The following LRRC40 variants were observed in gnomAD, a reference collection of about 807,000 sequenced individuals.
LRRC40 encodes leucine rich repeat containing 40.
Under a neutral mutation model 72.8 loss-of-function variants are expected in LRRC40, and 76 were observed. The ratio of observed to expected loss-of-function variants is 1.04; its 90% CI spans 0.87 to 1.26. The LOEUF is 1.26. Among genes scored for constraint, LRRC40 ranks in the 50% most tolerant of loss-of-function variants. The pLI, the probability that LRRC40 is intolerant of heterozygous loss-of-function variation, is 0.00. For synonymous variants in LRRC40, 243 were observed against 254.2 expected, an observed-to-expected ratio of 0.96 and a Z score of 0.42; for missense variants, 684 against 698.9, an observed-to-expected ratio of 0.98 and a Z score of 0.24.
At chr1:70,166,890 T>C (rs1036186579) in intron 9 of LRRC40, among the ~76,000 whole-genome samples, 1 of 128,668 alleles carries the variant, frequency 7.8e-6, no homozygotes, top group African/African-American at 2.9e-5. Flanking sequence ...ATTTTCCCCA[T>C]CCCCAAAAGA....
intron 2 of LRRC40, among the ~76,000 whole-genome samples, chr1:70,188,257 C>T (rs72929205): frequency 2.0e-4 from 31 of 152,022 alleles, no homozygotes; most frequent in African/African-American, 5.5e-4. Flanking sequence ...TTGTGAAGCC[C>T]GCAGATTATG....
At chr1:70,166,662 A>T (rs1008255306) in intron 9 of LRRC40, among the ~76,000 whole-genome samples, 6 of 95,094 alleles carry the variant, frequency 6.3e-5, no homozygotes, top group African/African-American at 8.1e-5. Context: ...GCTTCTAAAT[A>T]AAAAAAAAAA....
At chr1:70,186,296 A>T (rs3767210) in intron 3 of LRRC40, among the ~76,000 whole-genome samples, 2 of 152,064 alleles carry the variant, frequency 1.3e-5, no homozygotes, top group African/African-American at 2.4e-5. Context: ...GTCACTCAAC[A>T]CTTACTGCTT....
chr1:70,160,426 T>C (rs1005370384), intron 9 of LRRC40, among the ~76,000 whole-genome samples: 19 of 152,146 alleles, frequency 1.2e-4, no homozygotes, highest in Non-Finnish European at 2.9e-5. Flanking sequence ...TTCACAGAAG[T>C]AGCACAGAAT....
At chr1:70,201,427 T>A (rs2100356337) in intron 1 of LRRC40, among the ~76,000 whole-genome samples, 1 of 152,104 alleles carries the variant, frequency 6.6e-6, no homozygotes, top group East Asian at 1.9e-4. Flanking sequence ...ACACAAAATT[T>A]AAGAATCGCA....
In LRRC40 at chr1:70,144,945, TGAC is replaced by T. The variant is rs1667247086; in HGVS notation, c.*852_*854del. On this transcript the variant is annotated 3_prime_UTR_variant, in exon 15 of 15. Coordinates refer to ENST00000370952, the MANE Select transcript of LRRC40 (RefSeq NM_017768.5). Reference sequence around the variant, plus strand: ...TAAATTGATATACATGCTACTGAATTGACTTCTTAATAGAATCATATGGTAAGT... The same window carrying T: ...TAAATTGATATACATGCTACTGAATTTTCTTAATAGAATCATATGGTAAGT... 1 of 152,220 alleles carries T rather than the reference TGAC, an allele frequency of 6.6e-6. No individual in the cohort carries two copies. The highest frequency in any genetic ancestry group is 6.5e-5 in the Admixed American group (1 of 15,270). The allele number at this position is 152,220 out of a possible 1,614,324, so 9.4% of individuals were successfully genotyped here.
chr1:70,169,861 TAAC>T (rs1468953286), intron 9 of LRRC40, among the ~76,000 whole-genome samples: 1 of 152,040 alleles, frequency 6.6e-6, no homozygotes, highest in African/African-American at 2.4e-5. Flanking sequence ...AAAAAATTAA[TAAC>T]AACTCTTCAT....
At chr1:70,174,962 T>C (rs1043246156) in intron 7 of LRRC40, among the ~76,000 whole-genome samples, 11 of 152,026 alleles carry the variant, frequency 7.2e-5, no homozygotes, top group African/African-American at 2.4e-4. Flanking sequence ...AAAAAGCATA[T>C]ATAATAAGAC....
chr1:70,190,956 C>A (rs1465479770), intron 1 of LRRC40, among the ~76,000 whole-genome samples: 1 of 151,830 alleles, frequency 6.6e-6, no homozygotes, highest in Non-Finnish European at 1.5e-5. Context: ...AAGCACCATA[C>A]AATTTATCAT....
chr1:70,155,746 C>A lies in LRRC40; in HGVS notation c.1271G>T (p.Ser424Ile). The part of the protein sequence containing the change: ...IPDEVFDAVK[S>I]NIVTSINFSK... ...GAAGTTAATAGAAGTGACGATGTTG[C>A]TTTTTACTGCATCAAACACCTCATC... Residue 424 changes from serine to isoleucine, a missense_variant, in exon 11 of 15, where the codon AGC becomes ATC. Transcript: ENST00000370952. 1 of 1,581,474 alleles carries A rather than the reference C, an allele frequency of 6.3e-7. No homozygotes were observed. Among genetic ancestry groups the A allele is most frequent in the Non-Finnish European group, 8.6e-7 (1 of 1,159,316 alleles).
At chr1:70,175,528 G>T (rs1668083989) in intron 7 of LRRC40, among the ~76,000 whole-genome samples, 1 of 151,990 alleles carries the variant, frequency 6.6e-6, no homozygotes, top group South Asian at 2.1e-4. Context: ...GTTCTAGGGG[G>T]TAACTAGAAC....
chr1:70,171,280 C>G (rs1473777518), intron 9 of LRRC40, among the ~76,000 whole-genome samples: 3 of 150,856 alleles, frequency 2.0e-5, no homozygotes, highest in African/African-American at 7.3e-5. Flanking sequence ...ATCTTTATAA[C>G]CTAGGATTTT....
In LRRC40 at chr1:70,175,813, C is replaced by T; in HGVS notation, c.974G>A (p.Ser325Asn). 1 of 1,544,440 alleles carries T rather than the reference C, an allele frequency of 6.5e-7. No homozygotes were observed. The highest frequency in any genetic ancestry group is 8.7e-7 in the Non-Finnish European group (1 of 1,145,814). The stretch of plus-strand genomic sequence containing the variant: ...TTCATTTGATATTTAAACTTACCTA[C>T]TAATATCATTGTTGCTTAGGTCAAG... ...ERLDLSNNDI[S>N]SLPYSLGNLH... Residue 325 changes from serine to asparagine, a missense_variant, in exon 7 of 15, where the codon AGT becomes AAT. Coordinates refer to ENST00000370952, the MANE Select transcript of LRRC40 (RefSeq NM_017768.5).
intron 1 of LRRC40, among the ~76,000 whole-genome samples, chr1:70,203,749 CAAAGATAG>C (rs575683710): frequency 1.2e-4 from 18 of 152,088 alleles, no homozygotes; most frequent in Non-Finnish European, 2.4e-4. Context: ...GTTATGTGAG[CAAAGATAG>C]GAAGATAAGA....
intron 1 of LRRC40, among the ~76,000 whole-genome samples, chr1:70,199,329 T>G (rs955803927): frequency 1.3e-5 from 2 of 152,170 alleles, no homozygotes; most frequent in Non-Finnish European, 2.9e-5. Flanking sequence ...TGCTTTTCTC[T>G]ATAGATTCTA....
intron 4 of LRRC40, among the ~76,000 whole-genome samples, chr1:70,181,953 A>G (rs779069373): frequency 3.9e-4 from 59 of 152,064 alleles, no homozygotes; most frequent in Admixed American, 1.8e-3. Flanking sequence ...GCTCCACTAC[A>G]TAACAGCAAA....
At position 70,145,409 on chromosome 1, in the gene LRRC40, AAAAC is replaced by A. The variant is rs1232120785; in HGVS notation, c.*387_*390del. 1 of 152,978 alleles carries A rather than the reference AAAAC, an allele frequency of 6.5e-6. No homozygotes were observed. The highest frequency in any genetic ancestry group is 1.5e-5 in the Non-Finnish European group (1 of 68,564). 9.5% of individuals were successfully genotyped at this position (152,978 alleles called of 1,614,324 possible). On this transcript the variant is annotated 3_prime_UTR_variant, in exon 15 of 15. Coordinates refer to ENST00000370952, the MANE Select transcript of LRRC40 (RefSeq NM_017768.5). ...TGGAATACAAAAATAAATGAGAAAA[AAAAC>A]CAGTTCTACAAAAATGCTTTGTTAT...
chr1:70,160,231 ACG>A lies in LRRC40; in HGVS notation c.1112-795_1112-794del, dbSNP rs1404045918. Among the ~76,000 whole-genome samples the A allele has an allele frequency of 3.3e-5, 5 of 152,320 alleles. No homozygotes were observed. In the East Asian group the frequency reaches 9.6e-4, roughly 29 times the overall value. On this transcript the variant is annotated intron_variant, in intron 9 of 14. Transcript: ENST00000370952. The stretch of plus-strand genomic sequence containing the variant: ...GCATTAGCACATAAGAGCAGAAGGC[ACG>A]CCAAAAGAAAACAAAAAAAATTAGT...
intron 1 of LRRC40, among the ~76,000 whole-genome samples, chr1:70,204,015 A>T (rs1479726902): frequency 6.6e-6 from 1 of 152,204 alleles, no homozygotes; most frequent in African/African-American, 2.4e-5. Flanking sequence ...GTACCAGGTA[A>T]AGTGTTAGGT....
Sources: allele counts gnomAD v4.1 joint callset (sites outside exome capture counted in the v4.1 genomes callset), GRCh38; gene constraint gnomAD v4.1.1; transcripts MANE v1.5; gene names NCBI Gene and HGNC (gene_info 2026-07-23, HGNC 2026-07-21).